The following KIF27 variants were observed in gnomAD, a reference collection of about 807,000 sequenced individuals.
KIF27 encodes kinesin-like protein KIF27.
A neutral mutation model predicts 141.8 loss-of-function variants in KIF27; 84 were observed. The observed-to-expected ratio is 0.59, with a 90% CI of 0.50 to 0.71. The LOEUF is 0.71. KIF27 is among the 30% of genes least tolerant of loss of function. The probability of loss-of-function intolerance (pLI) is 0.00; values close to 1 mark genes in which losing one functional copy is unlikely to be tolerated. For missense variants in KIF27, 1,306 were observed against 1,628.4 expected (o/e 0.80, Z 3.41); for synonymous variants, 471 against 569.5 (o/e 0.83, Z 2.46).
At chr9:83,902,927 C>A in intron 4 of KIF27, 133 bp downstream of exon 4, 1 of 539,086 alleles carries the variant, frequency 1.9e-6, no homozygotes. Context: ...TTTACTTGCC[C>A]AAATAAATTT....
At chr9:83,896,296 T>C (rs948545074) in intron 5 of KIF27, among the ~76,000 whole-genome samples, 2 of 152,248 alleles carry the variant, frequency 1.3e-5, no homozygotes, top group Admixed American at 1.3e-4. Context: ...CTTTTCCATT[T>C]ATCTTGGGAA....
At chr9:83,865,990 T>A (rs1429129054) in intron 13 of KIF27, among the ~76,000 whole-genome samples, 1 of 151,888 alleles carries the variant, frequency 6.6e-6, no homozygotes, top group Non-Finnish European at 1.5e-5. Flanking sequence ...TAGATCCAAG[T>A]AGAGATTAGG....
rs775815260 is a variant in KIF27, at chr9:83,837,213, T to G, written c.3994A>C (p.Lys1332Gln). The G allele has an allele frequency of 2.1e-5, 34 of 1,613,676 alleles. No homozygotes were observed. In the East Asian group the frequency reaches 2.5e-4, roughly 12 times the overall value. ...TGGGATGACAGTCGACTGTGAGATT[T>G]TGTAAACTGATTATCATCTGTTTCT... ...KTETDDNQFT[K>Q]SHSRLSSQIQ... Residue 1332 changes from lysine (K) to glutamine (Q), a missense_variant, in exon 18 of 18, where the codon AAA becomes CAA. This residue lies in a region of KIF27 where 148 missense variants were observed against 250.9 expected (regional missense o/e 0.59). Transcript: ENST00000297814.
intron 2 of KIF27, among the ~76,000 whole-genome samples, chr9:83,912,407 T>C (rs1955262482): frequency 6.6e-6 from 1 of 152,218 alleles, no homozygotes; most frequent in Admixed American, 6.5e-5. Flanking sequence ...GTGGGTTTTC[T>C]TCTAATACAG....
intron 13 of KIF27, among the ~76,000 whole-genome samples, chr9:83,864,782 G>C (rs1950219074): frequency 6.6e-6 from 1 of 152,130 alleles, no homozygotes; most frequent in African/African-American, 2.4e-5. Context: ...GGTGTTAAAA[G>C]TCTCCCATTA....
intron 13 of KIF27, among the ~76,000 whole-genome samples, chr9:83,864,119 A>C (rs1950167893): frequency 6.6e-6 from 1 of 152,058 alleles, no homozygotes. Context: ...GATCTCAAAA[A>C]ACCAGCTCCT....
intron 10 of KIF27, 81 bp downstream of exon 10, chr9:83,883,732 A>G (rs1256297599): frequency 4.3e-6 from 4 of 921,668 alleles, no homozygotes; most frequent in Non-Finnish European, 6.7e-6. Context: ...ACTGAATCCC[A>G]CTTCTTTCCT....
intron 1 of KIF27, among the ~76,000 whole-genome samples, chr9:83,918,181 G>A (rs1161635295): frequency 2.0e-5 from 3 of 151,990 alleles, no homozygotes; most frequent in Admixed American, 6.6e-5. Flanking sequence ...AAGCTAAGGC[G>A]GGAGATTGGC....
At position 83,834,511 on chromosome 9, in the gene KIF27, T is replaced by C. The variant is rs1411544713; in HGVS notation, c.*2490A>G. ...ACAATTGCATAGTCAAACCTAATCATTGTTGTTTTGATATAAATTTTCTTG... is the reference window on the plus strand; with the variant it reads ...ACAATTGCATAGTCAAACCTAATCACTGTTGTTTTGATATAAATTTTCTTG... On this transcript the variant is annotated 3_prime_UTR_variant, in exon 18 of 18. Coordinates refer to ENST00000297814, the MANE Select transcript of KIF27 (RefSeq NM_017576.4). 1.3e-5 allele frequency among the ~76,000 whole-genome samples: 2 copies of C among 152,028 alleles called. No homozygotes were observed. The highest frequency in any genetic ancestry group is 2.9e-5 in the Non-Finnish European group (2 of 67,916).
rs1952663126 is a variant in KIF27 at position 83,891,369 on chromosome 9, T to C, written c.1735A>G (p.Arg579Gly). ...DGPDARIPER[R>G]PYTVPFDTHL... ...GTATCAAATGGTACAGTATATGGTCTCCTTTCAGGGATCCTGGCATCTGGC... is the reference window on the plus strand; with the variant it reads ...GTATCAAATGGTACAGTATATGGTCCCCTTTCAGGGATCCTGGCATCTGGC... The change falls in exon 6 of 18, where the codon AGA becomes GGA. Residue 579 changes from arginine (R) to glycine (G), a missense_variant. Arg to Gly is a moderately radical substitution (Grantham distance 125). Transcript: ENST00000297814. 1 of 1,613,668 alleles carries C rather than the reference T, an allele frequency of 6.2e-7. No individual in the cohort carries two copies. Among genetic ancestry groups the C allele is most frequent in the Non-Finnish European group, 8.5e-7 (1 of 1,179,624 alleles).
chr9:83,920,891 ACGGTGGG>A (rs1956202255), intron 1 of KIF27, among the ~76,000 whole-genome samples: 1 of 151,386 alleles, frequency 6.6e-6, no homozygotes, highest in African/African-American at 2.4e-5. Flanking sequence ...TTCAACCTCT[ACGGTGGG>A]AAATGCGCCC....
chr9:83,895,067 C>A, intron 5 of KIF27, among the ~76,000 whole-genome samples: 1 of 147,242 alleles, frequency 6.8e-6, no homozygotes, highest in South Asian at 2.2e-4. Flanking sequence ...CTGGCTAACA[C>A]AGTGAAACCC....
At position 83,842,413 on chromosome 9, in the gene KIF27, A is replaced by C. The variant is rs1180543879; in HGVS notation, c.3557-12T>G. 1 of 1,477,280 alleles carries C rather than the reference A, an allele frequency of 6.8e-7. No individual in the cohort carries two copies. The highest frequency in any genetic ancestry group is 2.5e-5 in the Admixed American group (1 of 39,430). 91.5% of individuals were successfully genotyped at this position (1,477,280 alleles called of 1,614,324 possible). On this transcript the variant is annotated splice_polypyrimidine_tract_variant and intron_variant, in intron 16 of 17. Coordinates refer to ENST00000297814, the MANE Select transcript of KIF27 (RefSeq NM_017576.4). Reference sequence around the variant, plus strand: ...TTCTCCATCTTGTTCTATACAACAAAAATTTGCATTTAAAATCAGTTTTAA... The same window carrying C: ...TTCTCCATCTTGTTCTATACAACAACAATTTGCATTTAAAATCAGTTTTAA...
chr9:83,891,278 G>T lies in KIF27; in HGVS notation c.1809+17C>A, dbSNP rs376338285. 3.7e-6 allele frequency: 6 copies of T among 1,602,490 alleles called. No individual in the cohort carries two copies. The highest frequency in any genetic ancestry group is 5.1e-6 in the Non-Finnish European group (6 of 1,172,126). On this transcript the variant is annotated intron_variant, in intron 6 of 17. Coordinates refer to ENST00000297814, the MANE Select transcript of KIF27 (RefSeq NM_017576.4). ...TTTTTTAATCTCCAAATAAGGAAAAGATTGTTTGGACTTTACCTTCCTGGA... is the reference window on the plus strand; with the variant it reads ...TTTTTTAATCTCCAAATAAGGAAAATATTGTTTGGACTTTACCTTCCTGGA...
At chr9:83,902,944 T>C (rs1459381096) in intron 4 of KIF27, 116 bp downstream of exon 4, 10 of 592,790 alleles carry the variant, frequency 1.7e-5, no homozygotes, top group Non-Finnish European at 2.2e-5. Flanking sequence ...ATTTAGTCCT[T>C]AAAAGAGTTA....
intron 11 of KIF27, among the ~76,000 whole-genome samples, chr9:83,871,187 C>A (rs1157546836): frequency 6.6e-6 from 1 of 152,110 alleles, no homozygotes; most frequent in Non-Finnish European, 1.5e-5. Context: ...TCCTAAAGTT[C>A]TGGGATTATA....
intron 1 of KIF27, among the ~76,000 whole-genome samples, chr9:83,918,081 C>T (rs1292266533): frequency 6.6e-6 from 1 of 152,004 alleles, no homozygotes; most frequent in African/African-American, 2.4e-5. Flanking sequence ...CCAGCCTGGG[C>T]AATATAGTGA....
intron 2 of KIF27, among the ~76,000 whole-genome samples, chr9:83,913,715 G>A (rs1326615447): frequency 6.6e-6 from 1 of 152,200 alleles, no homozygotes; most frequent in African/African-American, 2.4e-5. Flanking sequence ...GGGATTACAG[G>A]CGTGAGCCAC....
At chr9:83,888,210 A>G (rs1021483199) in intron 8 of KIF27, among the ~76,000 whole-genome samples, 47 of 149,240 alleles carry the variant, frequency 3.1e-4, no homozygotes, top group African/African-American at 1.0e-3. Flanking sequence ...AGGAATACAA[A>G]GCATATCAAT....
Sources: gnomAD v4.1 joint callset for allele counts (sites outside exome capture counted in the v4.1 genomes callset) on GRCh38, gnomAD v4.1.1 for gene constraint, gnomAD v4.1.1 regional missense constraint, MANE v1.5 for transcripts, NCBI Gene and HGNC (gene_info 2026-07-23, HGNC 2026-07-21) for gene names.